Variants in KLHL1 observed in about 807,000 individuals in gnomAD.
KLHL1 encodes kelch like family member 1, also known as kelch-like protein 1.
KLHL1 carries 47 observed loss-of-function variants against 77.7 expected under a neutral mutation model. That is an observed-to-expected ratio of 0.60 (90% CI 0.48 to 0.77). The LOEUF (loss-of-function observed/expected upper bound fraction) is 0.77. KLHL1 is among the 30% of genes least tolerant of loss of function. The pLI is 0.00. For synonymous variants in KLHL1, 360 were observed against 325.2 expected, an observed-to-expected ratio of 1.11 and a Z score of -1.15; for missense variants, 925 against 910.8, an observed-to-expected ratio of 1.02 and a Z score of -0.20.
chr13:69,838,163 GT>G (rs556370529), intron 6 of KLHL1, among the ~76,000 whole-genome samples: 514 of 148,050 alleles, frequency 3.5e-3, no homozygotes, highest in Non-Finnish European at 5.2e-3. Flanking sequence ...ATTGAAATAA[GT>G]TTTTTTTTTG....
At chr13:69,858,531 TTTAA>T (rs1182408290) in intron 5 of KLHL1, among the ~76,000 whole-genome samples, 11 of 152,120 alleles carry the variant, frequency 7.2e-5, no homozygotes, top group African/African-American at 2.7e-4. Context: ...GAAGAGCATA[TTTAA>T]TTAGTTGTTG....
intron 3 of KLHL1, among the ~76,000 whole-genome samples, chr13:69,948,940 A>G (rs1883617503): frequency 6.6e-6 from 1 of 152,004 alleles, no homozygotes; most frequent in Admixed American, 6.6e-5. Flanking sequence ...AAGAAACAAT[A>G]TCAATGTCAC....
intron 7 of KLHL1, among the ~76,000 whole-genome samples, chr13:69,780,886 T>A (rs1876151456): frequency 6.6e-6 from 1 of 151,636 alleles, no homozygotes; most frequent in South Asian, 2.1e-4. Flanking sequence ...CCTCATTGAT[T>A]CTGTTTCCCT....
At chr13:69,865,143 C>T (rs2138161433) in intron 5 of KLHL1, among the ~76,000 whole-genome samples, 1 of 152,160 alleles carries the variant, frequency 6.6e-6, no homozygotes, top group South Asian at 2.1e-4. Context: ...TGCTACATTG[C>T]TCTGGCTGAT....
chr13:69,983,714 C>T (rs1884783849), intron 1 of KLHL1, among the ~76,000 whole-genome samples: 2 of 151,818 alleles, frequency 1.3e-5, no homozygotes, highest in African/African-American at 4.8e-5. Context: ...TCGGCAATGA[C>T]CTGTACTCAC....
At chr13:69,849,827 T>C (rs545776825) in intron 5 of KLHL1, among the ~76,000 whole-genome samples, 1 of 151,526 alleles carries the variant, frequency 6.6e-6, no homozygotes, top group Non-Finnish European at 1.5e-5. Flanking sequence ...TTACTGTCAT[T>C]CTTGAATCTA....
At chr13:69,994,047 T>C (rs183147647) in intron 1 of KLHL1, among the ~76,000 whole-genome samples, 2 of 152,024 alleles carry the variant, frequency 1.3e-5, no homozygotes, top group Admixed American at 1.3e-4. Flanking sequence ...ATTGAGAATG[T>C]ACAAAGGACT....
At chr13:69,987,532 A>C (rs892832107) in intron 1 of KLHL1, among the ~76,000 whole-genome samples, 1 of 152,182 alleles carries the variant, frequency 6.6e-6, no homozygotes, top group African/African-American at 2.4e-5. Flanking sequence ...AAAGGAAAGA[A>C]AAAAGGAAGT....
At chr13:69,784,231 T>C (rs1467385427) in intron 7 of KLHL1, among the ~76,000 whole-genome samples, 1 of 152,128 alleles carries the variant, frequency 6.6e-6, no homozygotes, top group African/African-American at 2.4e-5. Context: ...TGCAAAAACA[T>C]GCCAAAATGT....
intron 1 of KLHL1, among the ~76,000 whole-genome samples, chr13:70,027,841 T>A (rs933779343): frequency 2.0e-5 from 3 of 152,032 alleles, no homozygotes; most frequent in Admixed American, 1.3e-4. Context: ...ATATTTAGAA[T>A]TGGTTCTGGA....
chr13:70,093,903 ATTAAC>A (rs1451065714), intron 1 of KLHL1, among the ~76,000 whole-genome samples: 1 of 152,182 alleles, frequency 6.6e-6, no homozygotes, highest in Admixed American at 6.6e-5. Context: ...TATAAAGTTA[ATTAAC>A]TTGTTTGAAT....
At chr13:69,786,028 C>A (rs1338681369) in intron 7 of KLHL1, among the ~76,000 whole-genome samples, 6 of 152,082 alleles carry the variant, frequency 3.9e-5, no homozygotes, top group Admixed American at 6.5e-5. Context: ...GCTTACCCCC[C>A]AAAAAGAGTC....
intron 6 of KLHL1, among the ~76,000 whole-genome samples, chr13:69,819,648 C>T (rs1161847848): frequency 6.6e-6 from 1 of 151,746 alleles, no homozygotes; most frequent in African/African-American, 2.4e-5. Flanking sequence ...ATAAAAGAGG[C>T]TTTTAATTCT....
chr13:69,838,267 G>A (rs1402692783), intron 6 of KLHL1, among the ~76,000 whole-genome samples: 6 of 151,220 alleles, frequency 4.0e-5, no homozygotes, highest in Admixed American at 1.3e-4. Flanking sequence ...ATAAATACTT[G>A]AAATATTTTA....
At chr13:69,861,806 AAAT>A (rs1880176464) in intron 5 of KLHL1, among the ~76,000 whole-genome samples, 3 of 146,590 alleles carry the variant, frequency 2.0e-5, no homozygotes, top group African/African-American at 7.7e-5. Context: ...AAAAAAAAAA[AAAT>A]ACAAAATTAG....
chr13:69,943,166 A>G (rs1420568333), intron 3 of KLHL1, among the ~76,000 whole-genome samples: 1 of 151,980 alleles, frequency 6.6e-6, no homozygotes, highest in African/African-American at 2.4e-5. Flanking sequence ...GAGGCTCATG[A>G]TGTCAGTGTG....
intron 5 of KLHL1, among the ~76,000 whole-genome samples, chr13:69,839,868 G>T (rs1879172774): frequency 6.6e-6 from 1 of 151,986 alleles, no homozygotes; most frequent in African/African-American, 2.4e-5. Flanking sequence ...CACATCCAAA[G>T]TATCTTTTAT....
intron 1 of KLHL1, among the ~76,000 whole-genome samples, chr13:69,979,638 C>A (rs1054252514): frequency 2.0e-5 from 3 of 152,028 alleles, no homozygotes; most frequent in African/African-American, 7.2e-5. Flanking sequence ...AAAAACTTTA[C>A]AGTTTCTTTC....
chr13:69,704,659 G>A (rs1875544102), intron 10 of KLHL1, among the ~76,000 whole-genome samples: 1 of 151,634 alleles, frequency 6.6e-6, no homozygotes, highest in Non-Finnish European at 1.5e-5. Flanking sequence ...TAAACATTTG[G>A]TATTTTTCCA....
Sources: allele counts gnomAD v4.1 joint callset (sites outside exome capture counted in the v4.1 genomes callset), GRCh38; gene constraint gnomAD v4.1.1; transcripts MANE v1.5; gene names NCBI Gene and HGNC (gene_info 2026-07-23, HGNC 2026-07-21).